Variants in CADM1 observed in about 807,000 individuals in gnomAD.
CADM1 encodes the protein TSLC-1.
A neutral mutation model predicts 53.1 loss-of-function variants in CADM1; 15 were observed. The ratio of observed to expected loss-of-function variants is 0.28; its 90% CI spans 0.19 to 0.44. The LOEUF (loss-of-function observed/expected upper bound fraction) is 0.44, where lower values mean the gene tolerates loss of function less well. Ranked by LOEUF, CADM1 falls within the 20% of genes least tolerant of loss-of-function variation. The probability of loss-of-function intolerance (pLI) is 1.00; values close to 1 mark genes in which losing one functional copy is unlikely to be tolerated. For synonymous variants in CADM1, 281 were observed against 243.0 expected, an observed-to-expected ratio of 1.16 and a Z score of -1.45; for missense variants, 434 against 611.3, an observed-to-expected ratio of 0.71 and a Z score of 3.06.
intron 1 of CADM1, among the ~76,000 whole-genome samples, chr11:115,250,987 C>G (rs1187168915): frequency 1.3e-5 from 2 of 152,190 alleles, no homozygotes; most frequent in African/African-American, 4.8e-5. Context: ...TTTATAGTAT[C>G]TCATTTTTAT....
At chr11:115,235,164 G>C (rs770979565) in intron 3 of CADM1, among the ~76,000 whole-genome samples, 5 of 147,672 alleles carry the variant, frequency 3.4e-5, no homozygotes, top group Admixed American at 2.7e-4. Context: ...AGCTGACTTT[G>C]CTCAGTTTTT....
At chr11:115,387,116 A>G (rs972931514) in intron 1 of CADM1, among the ~76,000 whole-genome samples, 1 of 152,198 alleles carries the variant, frequency 6.6e-6, no homozygotes, top group African/African-American at 2.4e-5. Flanking sequence ...TCTACTATAC[A>G]AAAAGCTAAG....
intron 1 of CADM1, among the ~76,000 whole-genome samples, chr11:115,389,211 C>T (rs1946773511): frequency 6.6e-6 from 1 of 152,028 alleles, no homozygotes. Flanking sequence ...AGAGGCGAAT[C>T]CGTGTAAAAT....
intron 3 of CADM1, among the ~76,000 whole-genome samples, chr11:115,232,013 T>C (rs113311032): frequency 0.36 from 52,451 of 146,144 alleles, 10,764 homozygotes; most frequent in Non-Finnish European, 0.47. Flanking sequence ...ATAATAATAA[T>C]AACAACAACA....
intron 10 of CADM1, among the ~76,000 whole-genome samples, chr11:115,186,933 C>T (rs1379624818): frequency 1.3e-5 from 2 of 152,216 alleles, no homozygotes; most frequent in Non-Finnish European, 2.9e-5. Flanking sequence ...GCCATGGCAG[C>T]TCCAGCTCCT....
At chr11:115,475,523 T>C (rs1033028844) in intron 1 of CADM1, among the ~76,000 whole-genome samples, 5 of 152,172 alleles carry the variant, frequency 3.3e-5, no homozygotes, top group Admixed American at 6.5e-5. Context: ...AGCCTAAATG[T>C]CCTTCTGTGA....
chr11:115,261,095 AGAGAGCCTACCAT>A (rs1942961394), intron 1 of CADM1, among the ~76,000 whole-genome samples: 1 of 152,208 alleles, frequency 6.6e-6, no homozygotes, highest in African/African-American at 2.4e-5. Context: ...ACAAGCTGTA[AGAGAGCCTACCAT>A]GAGGTAGGCT....
At chr11:115,231,266 C>T (rs1263119341) in intron 4 of CADM1, 87 bp downstream of exon 4, 6 of 1,394,012 alleles carry the variant, frequency 4.3e-6, no homozygotes, top group Non-Finnish European at 6.1e-6. Context: ...GTTTCATGGG[C>T]ATGTTTTGTA....
At chr11:115,248,338 A>C (rs1213460141) in intron 1 of CADM1, among the ~76,000 whole-genome samples, 1 of 152,228 alleles carries the variant, frequency 6.6e-6, no homozygotes, top group Non-Finnish European at 1.5e-5. Context: ...TTCCCTTTAA[A>C]AGACTGAGCT....
At chr11:115,366,824 C>CA (rs1197553089) in intron 1 of CADM1, among the ~76,000 whole-genome samples, 2 of 151,754 alleles carry the variant, frequency 1.3e-5, no homozygotes, top group Non-Finnish European at 2.9e-5. Context: ...AAAAAAGAAA[C>CA]AAAAAAGGCC....
intron 1 of CADM1, among the ~76,000 whole-genome samples, chr11:115,346,190 G>C (rs1945571991): frequency 6.6e-6 from 1 of 152,140 alleles, no homozygotes; most frequent in Admixed American, 6.6e-5. Context: ...CATTATCCCT[G>C]ACAGCCTTTT....
intron 1 of CADM1, among the ~76,000 whole-genome samples, chr11:115,414,446 T>C (rs1258961824): frequency 6.6e-6 from 1 of 152,154 alleles, no homozygotes; most frequent in Non-Finnish European, 1.5e-5. Flanking sequence ...TGTAGGTCTC[T>C]GGACGATTCT....
intron 1 of CADM1, among the ~76,000 whole-genome samples, chr11:115,364,026 G>C (rs1946094208): frequency 6.6e-6 from 1 of 151,486 alleles, no homozygotes; most frequent in South Asian, 2.1e-4. Flanking sequence ...ATTTAGGTTT[G>C]ATTAAATCCA....
At chr11:115,342,112 C>T (rs561630341) in intron 1 of CADM1, among the ~76,000 whole-genome samples, 2 of 152,156 alleles carry the variant, frequency 1.3e-5, no homozygotes, top group Admixed American at 1.3e-4. Context: ...AGCCATTTGT[C>T]CTGTCACTGA....
At chr11:115,369,525 C>T (rs566297289) in intron 1 of CADM1, among the ~76,000 whole-genome samples, 1 of 152,188 alleles carries the variant, frequency 6.6e-6, no homozygotes, top group East Asian at 1.9e-4. Context: ...AGAAAAATAT[C>T]TCTCAGATGT....
At chr11:115,453,358 C>G (rs1369581269) in intron 1 of CADM1, among the ~76,000 whole-genome samples, 1 of 150,310 alleles carries the variant, frequency 6.7e-6, no homozygotes, top group Non-Finnish European at 1.5e-5. Context: ...AGAGTGAAAC[C>G]CTATACCCCC....
intron 1 of CADM1, among the ~76,000 whole-genome samples, chr11:115,282,018 T>C (rs1033237009): frequency 3.7e-4 from 57 of 152,192 alleles, no homozygotes; most frequent in African/African-American, 1.2e-3. Flanking sequence ...CCATCCATCT[T>C]AGAGTTTTAT....
Position 115,231,786 on chromosome 11 carries a change from A to G in CADM1, c.425-296T>C, listed in dbSNP as rs564918783. ...CAGATTACCTGAGGTCAGGAGTTTG[A>G]TATCAGCCTGACCAACATGGAGAAA... On this transcript the variant is annotated intron_variant, in intron 3 of 11. Coordinates refer to ENST00000331581, the MANE Select transcript of CADM1 (RefSeq NM_001301043.2). 5.9e-5 allele frequency among the ~76,000 whole-genome samples: 9 copies of G among 152,270 alleles called. No homozygotes were observed. The South Asian group carries it at 1.7e-3, about 28-fold the overall frequency.
intron 9 of CADM1, among the ~76,000 whole-genome samples, chr11:115,197,408 T>C (rs141639440): frequency 7.9e-5 from 12 of 151,438 alleles, no homozygotes; most frequent in South Asian, 4.2e-4. Flanking sequence ...TACCAAATAA[T>C]TCCCTTGGAT....
Sources: gnomAD v4.1 joint callset for allele counts (sites outside exome capture counted in the v4.1 genomes callset) on GRCh38, gnomAD v4.1.1 for gene constraint, MANE v1.5 for transcripts, NCBI Gene and HGNC (gene_info 2026-07-23, HGNC 2026-07-21) for gene names.